The following KIAA0930 variants were observed in gnomAD, a reference collection of about 807,000 sequenced individuals.
The protein encoded by KIAA0930 is KIAA0930.
Under a neutral mutation model 43.9 loss-of-function variants are expected in KIAA0930, and 24 were observed. The observed-to-expected ratio is 0.55, with a 90% CI of 0.40 to 0.77. KIAA0930 has a LOEUF of 0.77. Ranked by LOEUF, KIAA0930 falls within the 30% of genes least tolerant of loss-of-function variation. KIAA0930 has a pLI of 0.00. For synonymous variants in KIAA0930, 259 were observed against 216.4 expected, an observed-to-expected ratio of 1.20 and a Z score of -1.73; for missense variants, 461 against 574.2, an observed-to-expected ratio of 0.80 and a Z score of 2.02.
intron 1 of KIAA0930, among the ~76,000 whole-genome samples, chr22:45,222,325 C>A (rs2083772255): frequency 2.0e-5 from 3 of 152,220 alleles, no homozygotes; most frequent in African/African-American, 4.8e-5. Flanking sequence ...CTTAAAATTT[C>A]TCTTATTTGA....
At chr22:45,198,583 C>T (rs2083557891) in intron 8 of KIAA0930, among the ~76,000 whole-genome samples, 1 of 152,240 alleles carries the variant, frequency 6.6e-6, no homozygotes, top group Non-Finnish European at 1.5e-5. Context: ...CTCTTCTGAT[C>T]AATGCTGCAG....
At position 45,205,232 on chromosome 22, in the gene KIAA0930, A is replaced by G; in HGVS notation, c.501T>C (p.Ile167=). The G allele has an allele frequency of 1.2e-6, 2 of 1,613,962 alleles. No homozygotes were observed. The highest frequency in any genetic ancestry group is 1.7e-6 in the Non-Finnish European group (2 of 1,179,780). The change falls in exon 5 of 10, where the codon ATT becomes ATC. Residue 167 remains isoleucine, a synonymous_variant. Transcript: ENST00000336156. Reference sequence around the variant, plus strand: ...CAGAGCTCACCTCCTCGAAGCTGTCAATCATGAAGAAGATGTTGGGGTAGC... The same window carrying G: ...CAGAGCTCACCTCCTCGAAGCTGTCGATCATGAAGAAGATGTTGGGGTAGC... ...KISYPNIFFM[I]DSFEEVFSDM...
intron 1 of KIAA0930, among the ~76,000 whole-genome samples, chr22:45,215,143 G>A (rs546376028): frequency 4.8e-4 from 73 of 151,266 alleles, no homozygotes; most frequent in Admixed American, 1.5e-3. Flanking sequence ...ACTTGAACCC[G>A]GGAGGCAGAG....
At chr22:45,199,745 C>T in intron 8 of KIAA0930, 128 bp downstream of exon 8, 1 of 1,012,484 alleles carries the variant, frequency 9.9e-7, no homozygotes, top group Non-Finnish European at 1.4e-6. Context: ...CTGCCTGGCA[C>T]ATGGCACCCA....
At chr22:45,204,964 A>T (rs1399730644) in intron 5 of KIAA0930, among the ~76,000 whole-genome samples, 1 of 152,188 alleles carries the variant, frequency 6.6e-6, no homozygotes, top group Non-Finnish European at 1.5e-5. Flanking sequence ...TTTAGTCTTC[A>T]GCCCTGACAG....
At chr22:45,232,730 A>C (rs1271153230) in intron 1 of KIAA0930, among the ~76,000 whole-genome samples, 1 of 152,174 alleles carries the variant, frequency 6.6e-6, no homozygotes, top group African/African-American at 2.4e-5. Context: ...GCCTGGAGTC[A>C]CATCTTCTCC....
rs1273472182 is a variant in KIAA0930 at position 45,192,479 on chromosome 22, T to C, written c.*4697A>G. On this transcript the variant is annotated 3_prime_UTR_variant, in exon 10 of 10. Transcript: ENST00000336156. ...CGTGTTTTTGCTAAAATACATGTTG[T>C]AGAAGTCATAATTCATAGTGAAGAA... is the stretch of plus-strand genomic sequence containing the variant. 6.6e-6 allele frequency: 1 copy of C among 152,228 alleles called. No individual in the cohort carries two copies. Among genetic ancestry groups the C allele is most frequent in the Admixed American group, 6.5e-5 (1 of 15,288 alleles). 9.4% of individuals were successfully genotyped at this position (152,228 alleles called of 1,614,324 possible).
At position 45,192,462 on chromosome 22, in the gene KIAA0930, TG is replaced by T. The variant is rs1170978579; in HGVS notation, c.*4713del. On this transcript the variant is annotated 3_prime_UTR_variant, in exon 10 of 10. Coordinates refer to ENST00000336156, the MANE Select transcript of KIAA0930 (RefSeq NM_001009880.2). ...CCAGTGGAGGCCAGCATCGTGTTTT[TG>T]CTAAAATACATGTTGTAGAAGTCAT... 13 of 152,228 alleles carry T rather than the reference TG, an allele frequency of 8.5e-5. No individual in the cohort carries two copies. Among genetic ancestry groups the T allele is most frequent in the Non-Finnish European group, 1.9e-4 (13 of 68,052 alleles). 9.4% of individuals were successfully genotyped at this position (152,228 alleles called of 1,614,324 possible).
intron 1 of KIAA0930, among the ~76,000 whole-genome samples, chr22:45,228,509 CA>C (rs2083817079): frequency 6.6e-6 from 1 of 152,162 alleles, no homozygotes; most frequent in South Asian, 2.1e-4. Flanking sequence ...TACTACTCTG[CA>C]AAGGGGAACA....
At chr22:45,227,345 ACT>A (rs1376438428) in intron 1 of KIAA0930, among the ~76,000 whole-genome samples, 4 of 151,322 alleles carry the variant, frequency 2.6e-5, no homozygotes, top group East Asian at 1.9e-4. Flanking sequence ...GCCCTCCTCT[ACT>A]CTGACTTCTG....
At position 45,226,078 on chromosome 22, in the gene KIAA0930, C is replaced by T. The variant is rs16993714; in HGVS notation, c.65-13971G>A. 167 of 358,320 alleles carry T rather than the reference C, an allele frequency of 4.7e-4. 1 individual carries two copies. In the East Asian group the frequency reaches 0.011, roughly 25 times the overall value. 22.2% of individuals were successfully genotyped at this position (358,320 alleles called of 1,614,324 possible). A position where few individuals can be genotyped will look rare whatever the true frequency, so the allele number is the denominator to read the frequency against. Reference sequence around the variant, plus strand: ...GTATCCACCACAGAGAGCCAGTGAACGACAAGAAACACAGGACGTGCCGAG... The same window carrying T: ...GTATCCACCACAGAGAGCCAGTGAATGACAAGAAACACAGGACGTGCCGAG... On this transcript the variant is annotated intron_variant, in intron 1 of 9. Transcript: ENST00000336156.
chr22:45,224,657 C>A (rs1447030604), intron 1 of KIAA0930, among the ~76,000 whole-genome samples: 2 of 152,216 alleles, frequency 1.3e-5, no homozygotes, highest in African/African-American at 2.4e-5. Flanking sequence ...GAGATGGTAG[C>A]TGTGGCAGGC....
rs930604227 is a variant in KIAA0930 at position 45,197,960 on chromosome 22, A to G, written c.1016-12T>C. On this transcript the variant is annotated splice_polypyrimidine_tract_variant and intron_variant, in intron 8 of 9. Transcript: ENST00000336156. Reference sequence around the variant, plus strand: ...ATTGTGCAGATCGGCTGGAGGAAAGAAGGCCAGGTCAAGGCCCCCACAGCA... The same window carrying G: ...ATTGTGCAGATCGGCTGGAGGAAAGGAGGCCAGGTCAAGGCCCCCACAGCA... 21 of 1,613,360 alleles carry G rather than the reference A, an allele frequency of 1.3e-5. No homozygotes were observed. In the East Asian group the frequency reaches 2.9e-4, roughly 22 times the overall value.
intron 1 of KIAA0930, among the ~76,000 whole-genome samples, chr22:45,215,544 A>C (rs1339839416): frequency 6.6e-6 from 1 of 152,240 alleles, no homozygotes; most frequent in Non-Finnish European, 1.5e-5. Context: ...AAAGGACACA[A>C]TATCCTGCCA....
intron 5 of KIAA0930, among the ~76,000 whole-genome samples, chr22:45,204,702 C>A (rs1052664992): frequency 3.3e-5 from 5 of 151,764 alleles, no homozygotes; most frequent in African/African-American, 1.2e-4. Flanking sequence ...GCGACCGGCT[C>A]CCTCCCCGCC....
chr22:45,200,452 T>C (rs1285176223), intron 7 of KIAA0930, among the ~76,000 whole-genome samples: 2 of 151,992 alleles, frequency 1.3e-5, no homozygotes, highest in Non-Finnish European at 2.9e-5. Flanking sequence ...ATCTGACACA[T>C]GGGGAAACTA....
At chr22:45,211,410 C>G in intron 2 of KIAA0930, 1 of 399,480 alleles carries the variant, frequency 2.5e-6, no homozygotes, top group Non-Finnish European at 4.4e-6. Flanking sequence ...ATCACTTCAT[C>G]TCCGAGCCCT....
At chr22:45,230,517 A>G (rs1402137969) in intron 1 of KIAA0930, among the ~76,000 whole-genome samples, 1 of 151,684 alleles carries the variant, frequency 6.6e-6, no homozygotes, top group East Asian at 1.9e-4. Flanking sequence ...CAATTAGTTG[A>G]GAGAAGAATC....
At chr22:45,234,446 A>G (rs2083873980) in intron 1 of KIAA0930, among the ~76,000 whole-genome samples, 2 of 152,230 alleles carry the variant, frequency 1.3e-5, no homozygotes, top group Non-Finnish European at 2.9e-5. Flanking sequence ...AGCTCCCTGC[A>G]TGCCCTCAGC....
Sources: allele counts gnomAD v4.1 joint callset (sites outside exome capture counted in the v4.1 genomes callset), GRCh38; gene constraint gnomAD v4.1.1; transcripts MANE v1.5; gene names NCBI Gene and HGNC (gene_info 2026-07-23, HGNC 2026-07-21).